OSBPL6: variants seen among roughly 807,000 people sequenced by gnomAD.
OSBPL6 encodes the protein oxysterol-binding protein-related protein 6.
A neutral mutation model predicts 125.8 loss-of-function variants in OSBPL6; 49 were observed. The ratio of observed to expected loss-of-function variants is 0.39; its 90% confidence interval spans 0.31 to 0.49. The LOEUF is 0.49. Among genes scored for constraint, OSBPL6 ranks in the 20% least tolerant of loss-of-function variants. OSBPL6 has a pLI of 0.88. For missense variants in OSBPL6, 986 were observed against 1,135.4 expected, an observed-to-expected ratio of 0.87 and a Z score of 1.89; for synonymous variants, 394 against 391.8, an observed-to-expected ratio of 1.01 and a Z score of -0.07.
At chr2:178,390,348 A>T (rs1351471799) in intron 21 of OSBPL6, among the ~76,000 whole-genome samples, 1 of 152,152 alleles carries the variant, frequency 6.6e-6, no homozygotes, top group African/African-American at 2.4e-5. Flanking sequence ...TTTGACTGCA[A>T]GGGGCCTCAT....
intron 1 of OSBPL6, among the ~76,000 whole-genome samples, chr2:178,221,297 A>C (rs2090329259): frequency 6.6e-6 from 1 of 152,216 alleles, no homozygotes. Flanking sequence ...AATTTGGGTG[A>C]CCACAGGGTA....
intron 1 of OSBPL6, among the ~76,000 whole-genome samples, chr2:178,241,893 G>A (rs940761379): frequency 1.3e-5 from 2 of 152,028 alleles, no homozygotes; most frequent in African/African-American, 2.4e-5. Flanking sequence ...TGCTATTTTT[G>A]TGTGTCTACA....
intron 1 of OSBPL6, among the ~76,000 whole-genome samples, chr2:178,239,595 TA>T (rs869187265): frequency 3.9e-3 from 117 of 29,664 alleles, no homozygotes; most frequent in African/African-American, 8.0e-3. Flanking sequence ...AACTTTATTT[TA>T]TTTATTTATT....
At chr2:178,292,287 T>C (rs1272063102) in intron 2 of OSBPL6, among the ~76,000 whole-genome samples, 1 of 152,218 alleles carries the variant, frequency 6.6e-6, no homozygotes, top group African/African-American at 2.4e-5. Context: ...AATATTTTAA[T>C]AAGTCTAACT....
chr2:178,356,597 A>G (rs1691814948), intron 12 of OSBPL6, among the ~76,000 whole-genome samples: 1 of 152,204 alleles, frequency 6.6e-6, no homozygotes, highest in Admixed American at 6.5e-5. Flanking sequence ...GAAGACACAA[A>G]CAAATGGAAG....
chr2:178,273,297 G>A (rs771548861), intron 1 of OSBPL6, among the ~76,000 whole-genome samples: 2 of 152,156 alleles, frequency 1.3e-5, no homozygotes, highest in Non-Finnish European at 2.9e-5. Context: ...ATTAACTTAA[G>A]TATTTTAATA....
intron 3 of OSBPL6, 66 bp from the exon 4 acceptor site, chr2:178,324,111 T>C: frequency 9.7e-7 from 1 of 1,028,514 alleles, no homozygotes; most frequent in Non-Finnish European, 1.4e-6. Context: ...TATGATTTCA[T>C]CCCCATGCAC....
chr2:178,349,167 G>C, intron 11 of OSBPL6, 57 bp from the exon 12 acceptor site: 1 of 1,543,046 alleles, frequency 6.5e-7, no homozygotes, highest in Admixed American at 1.7e-5. Context: ...TTTCTATGTA[G>C]GAGAATGTGA....
chr2:178,266,160 G>A (rs1017473309), intron 1 of OSBPL6, among the ~76,000 whole-genome samples: 2 of 152,306 alleles, frequency 1.3e-5, no homozygotes, highest in Admixed American at 6.5e-5. Flanking sequence ...AAGGAAGGAA[G>A]CAGGGGCAGA....
chr2:178,280,119 A>C (rs890120180), intron 1 of OSBPL6, among the ~76,000 whole-genome samples: 8 of 152,048 alleles, frequency 5.3e-5, no homozygotes, highest in African/African-American at 1.9e-4. Context: ...AATTGCTTGA[A>C]CCTGGGAGGT....
At chr2:178,251,083 A>G (rs1423635478) in intron 1 of OSBPL6, among the ~76,000 whole-genome samples, 1 of 152,146 alleles carries the variant, frequency 6.6e-6, no homozygotes, top group Non-Finnish European at 1.5e-5. Flanking sequence ...GTGTTTGTCC[A>G]GTAGGAGCCT....
At chr2:178,252,780 T>C (rs1179021367) in intron 1 of OSBPL6, among the ~76,000 whole-genome samples, 1 of 152,182 alleles carries the variant, frequency 6.6e-6, no homozygotes, top group Non-Finnish European at 1.5e-5. Context: ...TCTGCTGTTC[T>C]TTCCTTCCTG....
At chr2:178,247,949 T>C (rs1020453360) in intron 1 of OSBPL6, among the ~76,000 whole-genome samples, 4 of 152,222 alleles carry the variant, frequency 2.6e-5, no homozygotes, top group Non-Finnish European at 1.5e-5. Flanking sequence ...CTAAGAATGC[T>C]GAACAGCTTG....
intron 1 of OSBPL6, among the ~76,000 whole-genome samples, chr2:178,254,271 T>TA (rs1424369298): frequency 1.3e-5 from 2 of 151,906 alleles, no homozygotes; most frequent in African/African-American, 4.8e-5. Context: ...TAGGCACCTG[T>TA]AATCCCAGCT....
Position 178,331,606 on chromosome 2 carries a change from G to A in OSBPL6, c.372+1G>A, listed in dbSNP as rs1383109513. 6.2e-7 allele frequency: 1 copy of A among 1,614,006 alleles called. No homozygotes were observed. ...AAAGTATTCAAAGGCACCACTCGATGTAAGTAGCACACAGGACATGTTTCA... is the reference window on the plus strand; with the variant it reads ...AAAGTATTCAAAGGCACCACTCGATATAAGTAGCACACAGGACATGTTTCA... On this transcript the variant is annotated splice_donor_variant, in intron 6 of 24. Transcript: ENST00000190611. LOFTEE classifies it high-confidence loss of function.
At chr2:178,359,227 G>A (rs776730361) in intron 12 of OSBPL6, among the ~76,000 whole-genome samples, 11 of 152,064 alleles carry the variant, frequency 7.2e-5, no homozygotes, top group Non-Finnish European at 1.5e-4. Flanking sequence ...CATATAGCCT[G>A]ATTTTAAAAT....
At chr2:178,372,815 G>A (rs746098991) in intron 14 of OSBPL6, among the ~76,000 whole-genome samples, 1 of 152,096 alleles carries the variant, frequency 6.6e-6, no homozygotes, top group African/African-American at 2.4e-5. Flanking sequence ...TCTCAACAAC[G>A]CTCTGTTAGG....
chr2:178,395,827 A>G lies in OSBPL6; in HGVS notation c.*268A>G. On this transcript the variant is annotated 3_prime_UTR_variant, in exon 25 of 25. Transcript: ENST00000190611. Reference sequence around the variant, plus strand: ...CCACACCGTCCTTGGAAAGCAGAATAAAAGGAGCAGAATATAAAATCCAAA... The same window carrying G: ...CCACACCGTCCTTGGAAAGCAGAATGAAAGGAGCAGAATATAAAATCCAAA... The G allele has an allele frequency of 6.4e-6, 3 of 465,810 alleles. No individual in the cohort carries two copies. The highest frequency in any genetic ancestry group is 1.2e-5 in the Non-Finnish European group (3 of 246,808). The allele number at this position is 465,810 out of a possible 1,614,324, so 28.9% of individuals were successfully genotyped here. A position where few individuals can be genotyped will look rare whatever the true frequency, so the allele number is the denominator to read the frequency against.
chr2:178,279,594 T>A (rs936025357), intron 1 of OSBPL6, among the ~76,000 whole-genome samples: 3 of 152,220 alleles, frequency 2.0e-5, no homozygotes, highest in African/African-American at 7.2e-5. Context: ...TAGAACATGA[T>A]TCCTATTGTG....
Sources: gnomAD v4.1 joint callset for allele counts (sites outside exome capture counted in the v4.1 genomes callset) on GRCh38, gnomAD v4.1.1 for gene constraint, MANE v1.5 for transcripts, NCBI Gene and HGNC (gene_info 2026-07-23, HGNC 2026-07-21) for gene names.